The following ALDH5A1 variants were observed in gnomAD, a reference collection of about 807,000 sequenced individuals.
The protein encoded by ALDH5A1 is succinate-semialdehyde dehydrogenase, mitochondrial.
Under a neutral mutation model 54.7 loss-of-function variants are expected in ALDH5A1, and 33 were observed. The ratio of observed to expected loss-of-function variants is 0.60; its 90% CI spans 0.46 to 0.81. The LOEUF is 0.81. ALDH5A1 is among the 30% of genes least tolerant of loss of function. ALDH5A1 has a pLI of 0.00. For missense variants in ALDH5A1, 657 were observed against 711.0 expected, an observed-to-expected ratio of 0.92 and a Z score of 0.86; for synonymous variants, 294 against 292.7, an observed-to-expected ratio of 1.00 and a Z score of -0.05.
In ALDH5A1 at chr6:24,532,108, A is replaced by T; in HGVS notation, c.1344-11A>T. 1 of 1,613,942 alleles carries T rather than the reference A, an allele frequency of 6.2e-7. No homozygotes were observed. Among genetic ancestry groups the T allele is most frequent in the Non-Finnish European group, 8.5e-7 (1 of 1,179,810 alleles). Reference sequence around the variant, plus strand: ...CCTTACATTTTTTATGACCTATCTTAACTTTGGCAGGTTCGATACAGAGGA... The same window carrying T: ...CCTTACATTTTTTATGACCTATCTTTACTTTGGCAGGTTCGATACAGAGGA... On this transcript the variant is annotated splice_polypyrimidine_tract_variant and intron_variant, in intron 8 of 9. Coordinates refer to ENST00000357578, the MANE Select transcript of ALDH5A1 (RefSeq NM_001080.3).
chr6:24,514,536 C>T (rs192191876), intron 4 of ALDH5A1, among the ~76,000 whole-genome samples: 38 of 152,120 alleles, frequency 2.5e-4, no homozygotes, highest in African/African-American at 9.2e-4. Context: ...GCCAGGAGTT[C>T]GAGACCAGCC....
intron 5 of ALDH5A1, 130 bp from the exon 6 acceptor site, chr6:24,520,271 A>G (rs747589255): frequency 6.9e-6 from 7 of 1,012,546 alleles, no homozygotes; most frequent in Admixed American, 5.1e-5. Context: ...CCGTTTTCTT[A>G]TGCAAAGTTA....
intron 6 of ALDH5A1, 87 bp from the exon 7 acceptor site, chr6:24,522,680 A>G: frequency 6.6e-7 from 1 of 1,513,338 alleles, no homozygotes; most frequent in African/African-American, 1.4e-5. Context: ...AAGTGTTTTC[A>G]CAGAGAGGCG....
intron 9 of ALDH5A1, 116 bp from the exon 10 acceptor site, chr6:24,533,391 G>A (rs1177882285): frequency 1.9e-6 from 2 of 1,061,370 alleles, no homozygotes; most frequent in Non-Finnish European, 2.9e-6. Context: ...TGGGAGCAGG[G>A]AAGACTCCAG....
intron 1 of ALDH5A1, among the ~76,000 whole-genome samples, chr6:24,496,371 G>A (rs903595602): frequency 1.3e-5 from 2 of 152,172 alleles, no homozygotes; most frequent in Non-Finnish European, 2.9e-5. Flanking sequence ...ATGGAAAAAA[G>A]GTAGAAGCAG....
At position 24,504,914 on chromosome 6, in the gene ALDH5A1, C is replaced by A; in HGVS notation, c.655C>A (p.Leu219Met). 6.2e-7 allele frequency: 1 copy of A among 1,614,246 alleles called. No individual in the cohort carries two copies. The highest frequency in any genetic ancestry group is 1.1e-5 in the South Asian group (1 of 91,090). Residue 219 changes from leucine (L) to methionine (M), a missense_variant, in exon 4 of 10, where the codon CTG becomes ATG. Physicochemically the swap from Leu to Met is conservative, Grantham distance 15. Transcript: ENST00000357578. ...AMITRKVGAALAAGCTVVVKP... is the reference protein window; with the variant it reads ...AMITRKVGAAMAAGCTVVVKP... Reference sequence around the variant, plus strand: ...GATCACCCGGAAGGTGGGGGCCGCCCTGGCAGCCGGCTGTACTGTCGTGGT... The same window carrying A: ...GATCACCCGGAAGGTGGGGGCCGCCATGGCAGCCGGCTGTACTGTCGTGGT...
intron 4 of ALDH5A1, among the ~76,000 whole-genome samples, chr6:24,506,273 T>TTTTTTTTTTTTTG (rs1390825941): frequency 9.5e-6 from 1 of 105,024 alleles, no homozygotes; most frequent in South Asian, 3.2e-4. Context: ...TTTTTTTTTT[T>TTTTTTTTTTTTTG]GAGACAGTCT....
At position 24,531,270 on chromosome 6, in the gene ALDH5A1, C is replaced by G. The variant is rs1285082502; in HGVS notation, c.1344-849C>G. The stretch of plus-strand genomic sequence containing the variant: ...TGGACCCTTGAAGAACTTTCATCTT[C>G]TTTGTTTTAATAAAAACTTTTTACA... On this transcript the variant is annotated intron_variant, in intron 8 of 9. Transcript: ENST00000357578. Among the ~76,000 whole-genome samples the G allele has an allele frequency of 8.5e-5, 13 of 152,170 alleles. 1 individual carries two copies. Among genetic ancestry groups the G allele is most frequent in the Admixed American group, 8.5e-4 (13 of 15,282 alleles).
intron 1 of ALDH5A1, among the ~76,000 whole-genome samples, chr6:24,501,875 T>TTATATATATATA: frequency 6.9e-6 from 1 of 144,636 alleles, no homozygotes; most frequent in South Asian, 2.2e-4. Context: ...AACCAATGTT[T>TTATATATATATA]TATATATATA....
chr6:24,522,007 C>T (rs1254419494), intron 6 of ALDH5A1, among the ~76,000 whole-genome samples: 3 of 151,926 alleles, frequency 2.0e-5, no homozygotes, highest in South Asian at 2.1e-4. Flanking sequence ...GCTGGGACTA[C>T]AGCTAATTTT....
At chr6:24,497,413 GT>G (rs1038470290) in intron 1 of ALDH5A1, among the ~76,000 whole-genome samples, 8 of 152,132 alleles carry the variant, frequency 5.3e-5, no homozygotes, top group Non-Finnish European at 1.0e-4. Flanking sequence ...TGATTGGTGT[GT>G]TTTTTACAGA....
Position 24,502,617 on chromosome 6 carries a change from G to A in ALDH5A1, c.438+11G>A. ...ATCACAGCTGAAAGTGTAAGTTCAG[G>A]GTTCTGGCTTGGTGCACTGAGAAAT... On this transcript the variant is annotated intron_variant, in intron 2 of 9. Coordinates refer to ENST00000357578, the MANE Select transcript of ALDH5A1 (RefSeq NM_001080.3). 1 of 1,607,400 alleles carries A rather than the reference G, an allele frequency of 6.2e-7. No homozygotes were observed. The highest frequency in any genetic ancestry group is 8.5e-7 in the Non-Finnish European group (1 of 1,174,268).
Position 24,522,760 on chromosome 6 carries a change from T to C in ALDH5A1, c.1015-7T>C, listed in dbSNP as rs749646438. On this transcript the variant is annotated splice_polypyrimidine_tract_variant and splice_region_variant and intron_variant, in intron 6 of 9. Transcript: ENST00000357578. ...ACTGTGTGGGTTTGTTTTTGTCTCC[T>C]GTCCAGACTTGTGTTTGCTCAAACC... 7 of 1,613,626 alleles carry C rather than the reference T, an allele frequency of 4.3e-6. No homozygotes were observed. The highest frequency in any genetic ancestry group is 1.3e-5 in the African/African-American group (1 of 74,884).
At chr6:24,524,712 A>G (rs1321337630) in intron 7 of ALDH5A1, among the ~76,000 whole-genome samples, 3 of 152,188 alleles carry the variant, frequency 2.0e-5, no homozygotes, top group African/African-American at 7.2e-5. Context: ...GTGACTTTGG[A>G]CCTTGGGGAC....
At chr6:24,528,522 CA>C (rs774563411) in intron 8 of ALDH5A1, among the ~76,000 whole-genome samples, 9 of 151,990 alleles carry the variant, frequency 5.9e-5, no homozygotes, top group South Asian at 2.1e-4. Context: ...ACCACCATAC[CA>C]GGCTAATTTT....
chr6:24,533,590 T>C lies in ALDH5A1; in HGVS notation c.1486T>C (p.Leu496=). 1 of 1,614,110 alleles carries C rather than the reference T, an allele frequency of 6.2e-7. No individual in the cohort carries two copies. Among genetic ancestry groups the C allele is most frequent in the South Asian group, 1.1e-5 (1 of 91,072 alleles). Residue 496 remains leucine (L), a synonymous_variant, in exon 10 of 10, where the codon TTA becomes CTA. Transcript: ENST00000357578. The stretch of plus-strand genomic sequence containing the variant: ...GGGCATGGTTGGCGTCAACGAAGGA[T>C]TAATTTCCTCTGTGGAGTGCCCTTT... The part of the protein sequence containing the change: ...EVGMVGVNEG[L]ISSVECPFGG...
intron 1 of ALDH5A1, among the ~76,000 whole-genome samples, chr6:24,502,208 C>T (rs1336314505): frequency 6.6e-6 from 1 of 152,102 alleles, no homozygotes; most frequent in East Asian, 1.9e-4. Context: ...TGAATTTGCT[C>T]TTCCTCTGCC....
intron 4 of ALDH5A1, among the ~76,000 whole-genome samples, chr6:24,510,512 T>C (rs1228876350): frequency 6.6e-6 from 1 of 152,188 alleles, no homozygotes; most frequent in African/African-American, 2.4e-5. Flanking sequence ...TATTTAGGAT[T>C]GTGATATTTT....
intron 2 of ALDH5A1, 52 bp from the exon 3 acceptor site, chr6:24,503,211 A>C: frequency 6.3e-7 from 1 of 1,594,140 alleles, no homozygotes; most frequent in Non-Finnish European, 8.5e-7. Flanking sequence ...ACACAGAGCC[A>C]TGCTTTTATT....
Sources: allele counts gnomAD v4.1 joint callset (sites outside exome capture counted in the v4.1 genomes callset), GRCh38; gene constraint gnomAD v4.1.1; transcripts MANE v1.5; gene names NCBI Gene and HGNC (gene_info 2026-07-23, HGNC 2026-07-21).